DNM3: variants seen among roughly 807,000 people sequenced by gnomAD.
DNM3 encodes dynamin-3.
In DNM3, 47 loss-of-function variants were observed where a neutral mutation model predicts 101.6. The observed-to-expected ratio is 0.46, with a 90% CI of 0.37 to 0.59. The LOEUF (loss-of-function observed/expected upper bound fraction) is 0.59, where lower values mean the gene tolerates loss of function less well. Among genes scored for constraint, DNM3 ranks in the 20% least tolerant of loss-of-function variants. The probability of loss-of-function intolerance (pLI) is 0.00; values close to 1 mark genes in which losing one functional copy is unlikely to be tolerated. For missense variants in DNM3, 849 were observed against 1,085.7 expected (o/e 0.78, Z 3.06); for synonymous variants, 385 against 387.9 (o/e 0.99, Z 0.09).
chr1:172,338,009 C>T (rs2066523513), intron 17 of DNM3, among the ~76,000 whole-genome samples: 1 of 151,462 alleles, frequency 6.6e-6, no homozygotes, highest in Non-Finnish European at 1.5e-5. Flanking sequence ...CTCCACCTCC[C>T]AGGTTCAAGC....
chr1:172,120,475 A>G (rs1346814617), intron 13 of DNM3, among the ~76,000 whole-genome samples: 4 of 152,166 alleles, frequency 2.6e-5, no homozygotes, highest in Non-Finnish European at 4.4e-5. Flanking sequence ...CCCTACTTTA[A>G]ACACTTGAAA....
intron 2 of DNM3, among the ~76,000 whole-genome samples, chr1:171,944,377 A>G (rs113225720): frequency 2.6e-4 from 36 of 140,374 alleles, no homozygotes; most frequent in African/African-American, 1.0e-3. Flanking sequence ...TTATTTATTT[A>G]TTTATTTGTT....
chr1:172,027,508 G>A (rs2048292680), intron 4 of DNM3, among the ~76,000 whole-genome samples: 1 of 152,056 alleles, frequency 6.6e-6, no homozygotes, highest in African/African-American at 2.4e-5. Context: ...TGGAACCCGG[G>A]AGGCAGAGGT....
rs567650154 is a variant in DNM3 at position 171,987,640 on chromosome 1, G to C, written c.236-16G>C. 2.4e-5 allele frequency: 37 copies of C among 1,548,034 alleles called. No homozygotes were observed. The Admixed American group carries it at 6.8e-4, about 29-fold the overall frequency. On this transcript the variant is annotated splice_polypyrimidine_tract_variant and intron_variant, in intron 2 of 20. Transcript: ENST00000627582. ...GCATGAATTTAAGTTGTGTCATTTTGGTTTTATTTTTGTAGAATATGCCGA... is the reference window on the plus strand; with the variant it reads ...GCATGAATTTAAGTTGTGTCATTTTCGTTTTATTTTTGTAGAATATGCCGA...
intron 14 of DNM3, among the ~76,000 whole-genome samples, chr1:172,166,975 T>C (rs1558667184): frequency 6.6e-6 from 1 of 151,882 alleles, no homozygotes; most frequent in Admixed American, 6.6e-5. Context: ...AACATGCAGG[T>C]TTGTTACATA....
intron 17 of DNM3, among the ~76,000 whole-genome samples, chr1:172,368,468 G>A (rs1012106138): frequency 1.3e-5 from 2 of 151,694 alleles, no homozygotes; most frequent in Non-Finnish European, 2.9e-5. Flanking sequence ...ACGCAATACA[G>A]CAAAAGCAGT....
At chr1:171,938,256 C>A (rs1286384956) in intron 2 of DNM3, among the ~76,000 whole-genome samples, 1 of 152,032 alleles carries the variant, frequency 6.6e-6, no homozygotes, top group Non-Finnish European at 1.5e-5. Flanking sequence ...ATTCTAATAG[C>A]ATCAAGGTTT....
chr1:171,959,557 T>G (rs536962256), intron 2 of DNM3, among the ~76,000 whole-genome samples: 6 of 152,268 alleles, frequency 3.9e-5, no homozygotes, highest in African/African-American at 1.4e-4. Context: ...AATATACAGT[T>G]GTCTTTCAAA....
chr1:171,987,775 C>A lies in DNM3; in HGVS notation c.355C>A (p.Pro119Thr). 6.3e-7 allele frequency: 1 copy of A among 1,580,870 alleles called. No homozygotes were observed. Among genetic ancestry groups the A allele is most frequent in the Non-Finnish European group, 8.6e-7 (1 of 1,168,214 alleles). The change falls in exon 3 of 21, where the codon CCC becomes ACC. Residue 119 changes from proline (P) to threonine (T), a missense_variant. This residue lies in a region of DNM3 where 388 missense variants were observed against 483.0 expected (regional missense o/e 0.80). Coordinates refer to ENST00000627582, the MANE Select transcript of DNM3 (RefSeq NM_015569.5). ...AATGAATAAAGGCATTTCCTCCATA[C>A]CCATTAATTTACGAGTCTATTCCCC... The part of the protein sequence containing the change: ...TGMNKGISSI[P>T]INLRVYSPHV...
intron 2 of DNM3, among the ~76,000 whole-genome samples, chr1:171,938,718 T>C (rs192006386): frequency 2.0e-5 from 3 of 152,314 alleles, no homozygotes; most frequent in Admixed American, 2.0e-4. Flanking sequence ...AGATACATCA[T>C]ACATATATTA....
At chr1:171,990,129 A>G (rs1325151050) in intron 4 of DNM3, among the ~76,000 whole-genome samples, 1 of 152,190 alleles carries the variant, frequency 6.6e-6, no homozygotes, top group Admixed American at 6.6e-5. Flanking sequence ...TAAATACAAT[A>G]TCTTCCTCCA....
intron 13 of DNM3, among the ~76,000 whole-genome samples, chr1:172,102,963 C>T (rs752481661): frequency 1.3e-5 from 2 of 152,098 alleles, no homozygotes; most frequent in African/African-American, 2.4e-5. Flanking sequence ...CACAAAGTAT[C>T]CATGGAGCCA....
At chr1:172,233,506 T>C (rs530933360) in intron 14 of DNM3, among the ~76,000 whole-genome samples, 51 of 152,082 alleles carry the variant, frequency 3.4e-4, no homozygotes, top group African/African-American at 1.1e-3. Flanking sequence ...TTCCAATCAA[T>C]AGAAAAAGAG....
intron 14 of DNM3, among the ~76,000 whole-genome samples, chr1:172,235,578 A>C (rs1377094009): frequency 1.3e-5 from 2 of 152,226 alleles, no homozygotes; most frequent in African/African-American, 4.8e-5. Context: ...TCACAATAGC[A>C]AAGACTTGGA....
chr1:172,290,200 G>A (rs957730714), intron 15 of DNM3: 6 of 171,034 alleles, frequency 3.5e-5, no homozygotes, highest in African/African-American at 1.2e-4. Context: ...GCTGTAGTTA[G>A]ATGAGGCAGC....
intron 13 of DNM3, among the ~76,000 whole-genome samples, chr1:172,096,667 T>C (rs1003045318): frequency 2.4e-4 from 37 of 152,202 alleles, no homozygotes; most frequent in African/African-American, 8.2e-4. Flanking sequence ...AAGTTAGCTT[T>C]CTGAGTATGA....
intron 2 of DNM3, among the ~76,000 whole-genome samples, chr1:171,973,867 G>A (rs1340995972): frequency 6.6e-6 from 1 of 151,924 alleles, no homozygotes; most frequent in Non-Finnish European, 1.5e-5. Context: ...ATTTCACCAT[G>A]TTGCCCAGGC....
chr1:172,354,112 T>TGAGAGAGAGAGAGA (rs71563205), intron 17 of DNM3, among the ~76,000 whole-genome samples: 3,949 of 94,886 alleles, frequency 0.042, 183 homozygotes, highest in South Asian at 0.075. Context: ...TGTGTGTGTG[T>TGAGAGAGAGAGAGA]GAGAGAGAGA....
chr1:172,413,743 C>T (rs1460811133), downstream of DNM3, among the ~76,000 whole-genome samples: 4 of 152,108 alleles, frequency 2.6e-5, no homozygotes, highest in Admixed American at 1.3e-4. Context: ...TTTCTTTCTG[C>T]GATCAGGGCA....
Sources: allele counts gnomAD v4.1 joint callset (sites outside exome capture counted in the v4.1 genomes callset), GRCh38; gene constraint gnomAD v4.1.1; regional missense constraint gnomAD v4.1.1; transcripts MANE v1.5; gene names NCBI Gene and HGNC (gene_info 2026-07-23, HGNC 2026-07-21).